ADK: variants seen among roughly 807,000 people sequenced by gnomAD.
The protein encoded by ADK is N6,N6-dimethyladenosine kinase.
A neutral mutation model predicts 44.7 loss-of-function variants in ADK; 24 were observed. The observed-to-expected ratio is 0.54, with a 90% confidence interval of 0.39 to 0.76. The LOEUF (loss-of-function observed/expected upper bound fraction) is 0.76. ADK is among the 30% of genes least tolerant of loss of function. The pLI is 0.00. For synonymous variants in ADK, 128 were observed against 142.6 expected (o/e 0.90, Z 0.73); for missense variants, 321 against 425.1 (o/e 0.76, Z 2.15).
intron 10 of ADK, among the ~76,000 whole-genome samples, chr10:74,702,524 T>TTCCTTCC (rs1589382755): frequency 3.5e-4 from 42 of 120,886 alleles, no homozygotes; most frequent in African/African-American, 1.1e-3. Flanking sequence ...TCCTTCCTTC[T>TTCCTTCC]TTCCTTCCTT....
chr10:74,433,624 T>C (rs1360086111), intron 6 of ADK, among the ~76,000 whole-genome samples: 1 of 152,226 alleles, frequency 6.6e-6, no homozygotes, highest in Non-Finnish European at 1.5e-5. Context: ...ATAGTCATAA[T>C]ATAAACAGTA....
intron 4 of ADK, among the ~76,000 whole-genome samples, chr10:74,333,985 C>G (rs1200263431): frequency 1.3e-5 from 2 of 151,488 alleles, no homozygotes; most frequent in South Asian, 2.1e-4. Context: ...TACTTTTTTT[C>G]AAAAGTATTT....
At chr10:74,268,617 C>A (rs1313690655) in intron 3 of ADK, among the ~76,000 whole-genome samples, 2 of 152,122 alleles carry the variant, frequency 1.3e-5, no homozygotes, top group African/African-American at 4.8e-5. Context: ...ATGGTTATTA[C>A]CCAGACATGT....
At chr10:74,682,575 CTTT>C (rs11298231) in intron 10 of ADK, among the ~76,000 whole-genome samples, 6 of 133,020 alleles carry the variant, frequency 4.5e-5, no homozygotes, top group Admixed American at 2.3e-4. Flanking sequence ...CTTTTCTTTT[CTTT>C]TTTTTTTTTT....
chr10:74,427,160 T>A (rs1288697920), intron 6 of ADK, among the ~76,000 whole-genome samples: 8 of 152,090 alleles, frequency 5.3e-5, no homozygotes, highest in Non-Finnish European at 8.8e-5. Context: ...AATGAAGAAT[T>A]GCAAACAAAT....
intron 9 of ADK, among the ~76,000 whole-genome samples, chr10:74,651,288 G>A (rs1253378621): frequency 6.6e-6 from 1 of 152,050 alleles, no homozygotes. Context: ...CGGAGAACTG[G>A]TTTGTCTAGT....
At chr10:74,487,134 C>T (rs1847294216) in intron 6 of ADK, among the ~76,000 whole-genome samples, 1 of 151,856 alleles carries the variant, frequency 6.6e-6, no homozygotes, top group Non-Finnish European at 1.5e-5. Flanking sequence ...TTAAAAGCCT[C>T]CAAAATCACT....
intron 2 of ADK, among the ~76,000 whole-genome samples, chr10:74,208,996 C>T (rs1843707917): frequency 2.0e-5 from 3 of 152,150 alleles, no homozygotes; most frequent in Admixed American, 2.0e-4. Context: ...CTCGGTCTCC[C>T]AAAGTGCTGG....
chr10:74,273,028 A>G (rs1208305954), intron 3 of ADK, among the ~76,000 whole-genome samples: 2 of 152,206 alleles, frequency 1.3e-5, no homozygotes, highest in Non-Finnish European at 2.9e-5. Context: ...GGATTTAAAA[A>G]TGGTTGAAAC....
chr10:74,669,668 A>G (rs1855099728), intron 9 of ADK, among the ~76,000 whole-genome samples: 1 of 152,234 alleles, frequency 6.6e-6, no homozygotes, highest in African/African-American at 2.4e-5. Flanking sequence ...GGGAAGAAGT[A>G]TTTTAACAGA....
chr10:74,189,036 G>A (rs1842870670), intron 1 of ADK, among the ~76,000 whole-genome samples: 1 of 151,998 alleles, frequency 6.6e-6, no homozygotes, highest in African/African-American at 2.4e-5. Context: ...CCCCCAAAGT[G>A]CCACCGCTCC....
intron 6 of ADK, among the ~76,000 whole-genome samples, chr10:74,406,652 C>T (rs1341237463): frequency 6.6e-6 from 1 of 150,680 alleles, no homozygotes; most frequent in Non-Finnish European, 1.5e-5. Flanking sequence ...AATAATTACT[C>T]TCTCCCCTAT....
At chr10:74,164,876 T>C (rs946908316) in intron 1 of ADK, among the ~76,000 whole-genome samples, 17 of 152,214 alleles carry the variant, frequency 1.1e-4, no homozygotes, top group Non-Finnish European at 1.5e-5. Context: ...TAGTTTCTTG[T>C]AGATATCAAG....
chr10:74,591,477 C>T (rs1851715112), intron 8 of ADK, among the ~76,000 whole-genome samples: 1 of 152,020 alleles, frequency 6.6e-6, no homozygotes, highest in South Asian at 2.1e-4. Context: ...GAGTAGGGTA[C>T]CCTCAAATAG....
intron 6 of ADK, among the ~76,000 whole-genome samples, chr10:74,485,655 C>A (rs1021804809): frequency 3.3e-5 from 5 of 151,974 alleles, no homozygotes; most frequent in African/African-American, 9.7e-5. Flanking sequence ...TACAAATTCC[C>A]TACTATCCCC....
At chr10:74,497,779 G>A (rs570774940) in intron 6 of ADK, among the ~76,000 whole-genome samples, 19 of 152,248 alleles carry the variant, frequency 1.2e-4, no homozygotes, top group Non-Finnish European at 2.2e-4. Flanking sequence ...GCCACTGCAC[G>A]TCAGCCTGAG....
At chr10:74,450,739 T>C (rs969196450) in intron 6 of ADK, among the ~76,000 whole-genome samples, 5 of 152,188 alleles carry the variant, frequency 3.3e-5, no homozygotes, top group Non-Finnish European at 5.9e-5. Context: ...ATAGCTTTTC[T>C]GTAGAGCAAG....
chr10:74,236,603 A>G (rs962249532), intron 3 of ADK, among the ~76,000 whole-genome samples: 6 of 152,204 alleles, frequency 3.9e-5, no homozygotes, highest in African/African-American at 1.2e-4. Flanking sequence ...TGGTATAACA[A>G]ATCTACCCTT....
chr10:74,309,142 T>G (rs1840353963), intron 3 of ADK, among the ~76,000 whole-genome samples: 1 of 152,146 alleles, frequency 6.6e-6, no homozygotes, highest in Non-Finnish European at 1.5e-5. Flanking sequence ...ATTACAGTGC[T>G]ATTTGTGTTT....
Sources: allele counts gnomAD v4.1 joint callset (sites outside exome capture counted in the v4.1 genomes callset), GRCh38; gene constraint gnomAD v4.1.1; transcripts MANE v1.5; gene names NCBI Gene and HGNC (gene_info 2026-07-23, HGNC 2026-07-21).